Variants in ZNF512 observed in about 807,000 individuals in gnomAD.
ZNF512 encodes the protein zinc finger protein 512.
A neutral mutation model predicts 77.5 loss-of-function variants in ZNF512; 25 were observed. The ratio of observed to expected loss-of-function variants is 0.32; its 90% CI spans 0.23 to 0.45. ZNF512 has a LOEUF of 0.45. ZNF512 is among the 20% of genes least tolerant of loss of function. ZNF512 has a pLI of 1.00. For missense variants in ZNF512, 483 were observed against 692.6 expected (o/e 0.70, Z 3.40); for synonymous variants, 246 against 239.9 (o/e 1.03, Z -0.24).
rs1464352145 is a variant in ZNF512, at chr2:27,600,002, C to T, written c.406C>T (p.Pro136Ser). 6.2e-7 allele frequency: 1 copy of T among 1,614,186 alleles called. No homozygotes were observed. The highest frequency in any genetic ancestry group is 2.2e-5 in the East Asian group (1 of 44,888). ...RKQRPKTQPN[P>S]KSQARRIRKE... ...GCAACGGCCTAAAACTCAGCCCAATCCCAAATCCCAGGCCCGTCGTATTCG... is the reference window on the plus strand; with the variant it reads ...GCAACGGCCTAAAACTCAGCCCAATTCCAAATCCCAGGCCCGTCGTATTCG... Residue 136 changes from proline (P) to serine (S), a missense_variant, in exon 5 of 14, where the codon CCC becomes TCC. By Grantham distance (74) the Pro-to-Ser change is moderately conservative. Around this residue, in one of 2 missense-constraint regions of ZNF512, gnomAD observed 159 missense variants for 167.5 expected, o/e 0.95. Coordinates refer to ENST00000355467, the MANE Select transcript of ZNF512 (RefSeq NM_032434.4).
chr2:27,588,483 C>CT (rs576900419), intron 2 of ZNF512, among the ~76,000 whole-genome samples: 1 of 151,834 alleles, frequency 6.6e-6, no homozygotes, highest in Non-Finnish European at 1.5e-5. Context: ...TCAATGTTGA[C>CT]TTTTTTTTCT....
intron 2 of ZNF512, among the ~76,000 whole-genome samples, chr2:27,590,322 A>C (rs1260740295): frequency 6.6e-6 from 1 of 152,172 alleles, no homozygotes; most frequent in East Asian, 1.9e-4. Context: ...TATCTCTGGC[A>C]GTACTCTTTG....
chr2:27,608,839 A>G (rs763822440), intron 10 of ZNF512, among the ~76,000 whole-genome samples: 3 of 152,038 alleles, frequency 2.0e-5, no homozygotes. Context: ...GGCTGGGTAC[A>G]GTGGCTCAAG....
At position 27,601,406 on chromosome 2, in the gene ZNF512, G is replaced by A; in HGVS notation, c.633G>A (p.Gly211=). Residue 211 remains glycine, a synonymous_variant, in exon 7 of 14, where the codon GGG becomes GGA. Coordinates refer to ENST00000355467, the MANE Select transcript of ZNF512 (RefSeq NM_032434.4). ...GGAAACAACTTCGTTCACTGGCAGG[G>A]ATGAAGTATCATGTCATGGCAAATC... ...HCGKQLRSLA[G]MKYHVMANHN... The A allele has an allele frequency of 6.2e-7, 1 of 1,613,982 alleles. No individual in the cohort carries two copies. Among genetic ancestry groups the A allele is most frequent in the Non-Finnish European group, 8.5e-7 (1 of 1,179,988 alleles).
intron 6 of ZNF512, 146 bp downstream of exon 6, chr2:27,600,961 A>G (rs1672091219): frequency 1.8e-6 from 2 of 1,139,260 alleles, no homozygotes; most frequent in African/African-American, 3.2e-5. Flanking sequence ...TGACAGAGTT[A>G]GGTTTGAATC....
intron 1 of ZNF512, 145 bp downstream of exon 1, chr2:27,583,287 T>C (rs1671192912): frequency 5.2e-6 from 7 of 1,344,534 alleles, no homozygotes; most frequent in Admixed American, 1.8e-5. Flanking sequence ...CACCTGTCCC[T>C]TTTTCTTTAC....
chr2:27,591,613 G>T (rs980332518), intron 2 of ZNF512, among the ~76,000 whole-genome samples: 1 of 152,196 alleles, frequency 6.6e-6, no homozygotes, highest in African/African-American at 2.4e-5. Context: ...GTTTCACCAT[G>T]TTGGCCAGGA....
chr2:27,587,756 A>C (rs1395089642), intron 2 of ZNF512, among the ~76,000 whole-genome samples: 6 of 151,242 alleles, frequency 4.0e-5, no homozygotes, highest in Non-Finnish European at 7.4e-5. Flanking sequence ...ATCTCGGCTC[A>C]CTGCAACCTC....
At position 27,620,827 on chromosome 2, in the gene ZNF512, A is replaced by C. The variant is rs150041025; in HGVS notation, c.1396-326A>C. Among the ~76,000 whole-genome samples, 487 of 152,264 alleles carry C rather than the reference A, an allele frequency of 3.2e-3. 1 individual carries two copies. The highest frequency in any genetic ancestry group is 5.0e-3 in the Non-Finnish European group (338 of 68,016). ...TTAGTTACGATGCCGTCATGGAATA[A>C]AAATCTCCTATGGCTCAGTGTGTTA... is the stretch of plus-strand genomic sequence containing the variant. On this transcript the variant is annotated intron_variant, in intron 13 of 13. Transcript: ENST00000355467.
At chr2:27,586,984 T>C (rs1478734239) in intron 2 of ZNF512, among the ~76,000 whole-genome samples, 2 of 152,212 alleles carry the variant, frequency 1.3e-5, no homozygotes, top group Non-Finnish European at 2.9e-5. Flanking sequence ...ATTTGAGTTA[T>C]TTTCAGTTTT....
chr2:27,589,492 G>C (rs1014631923), intron 2 of ZNF512, among the ~76,000 whole-genome samples: 6 of 152,006 alleles, frequency 3.9e-5, no homozygotes, highest in African/African-American at 1.4e-4. Context: ...TTGTAGATCA[G>C]TCTAAGTCTA....
At chr2:27,595,449 C>T (rs747587123) in intron 2 of ZNF512, among the ~76,000 whole-genome samples, 7 of 151,924 alleles carry the variant, frequency 4.6e-5, no homozygotes, top group East Asian at 1.9e-4. Context: ...CTCAGCCTGC[C>T]GAGTAGCTGA....
chr2:27,620,777 G>T (rs1673086446), intron 13 of ZNF512, among the ~76,000 whole-genome samples: 1 of 152,106 alleles, frequency 6.6e-6, no homozygotes, highest in East Asian at 1.9e-4. Context: ...TGCACCCAGG[G>T]GGTCTGGCTG....
intron 10 of ZNF512, among the ~76,000 whole-genome samples, chr2:27,612,954 G>A (rs974500325): frequency 3.3e-5 from 5 of 151,996 alleles, no homozygotes; most frequent in African/African-American, 1.2e-4. Context: ...AACTACCATG[G>A]TTCTAAATCA....
intron 10 of ZNF512, among the ~76,000 whole-genome samples, chr2:27,610,578 T>A (rs1437434989): frequency 0.037 from 1,576 of 42,990 alleles, 137 homozygotes; most frequent in African/African-American, 0.15. Context: ...ATTTTTTTTT[T>A]TTTTTTTTTT....
At chr2:27,615,019 C>T (rs1356735844) in intron 10 of ZNF512, 149 bp from the exon 11 acceptor site, 5 of 500,468 alleles carry the variant, frequency 1.0e-5, no homozygotes, top group African/African-American at 4.0e-5. Flanking sequence ...GTTTCAGGTA[C>T]TTTATAGGGT....
At chr2:27,608,188 C>A in intron 10 of ZNF512, 149 bp downstream of exon 10, 2 of 719,688 alleles carry the variant, frequency 2.8e-6, no homozygotes, top group Non-Finnish European at 4.2e-6. Flanking sequence ...GATCTAGCTT[C>A]GGTGTTTGGA....
chr2:27,600,942 C>A, intron 6 of ZNF512, 127 bp downstream of exon 6: 2 of 1,253,200 alleles, frequency 1.6e-6, no homozygotes, highest in Non-Finnish European at 1.1e-6. Context: ...GAAACATAGG[C>A]TTTGGATCTG....
intron 9 of ZNF512, among the ~76,000 whole-genome samples, chr2:27,606,250 T>C (rs939586008): frequency 1.3e-5 from 2 of 150,510 alleles, no homozygotes; most frequent in Non-Finnish European, 2.9e-5. Flanking sequence ...TTTTTAACAT[T>C]GTCTTTTGAA....
Sources: allele counts gnomAD v4.1 joint callset (sites outside exome capture counted in the v4.1 genomes callset), GRCh38; gene constraint gnomAD v4.1.1; regional missense constraint gnomAD v4.1.1; transcripts MANE v1.5; gene names NCBI Gene and HGNC (gene_info 2026-07-23, HGNC 2026-07-21).